CLMP: variants seen among roughly 807,000 people sequenced by gnomAD.
CLMP encodes CXADR like cell adhesion molecule.
In CLMP, 27 loss-of-function variants were observed where a neutral mutation model predicts 45.2. That is an observed-to-expected ratio of 0.60 (90% CI 0.44 to 0.82). The LOEUF is 0.82. Among genes scored for constraint, CLMP ranks in the 40% least tolerant of loss-of-function variants. The probability of loss-of-function intolerance (pLI) is 0.00; values close to 1 mark genes in which losing one functional copy is unlikely to be tolerated. For missense variants in CLMP, 403 were observed against 448.4 expected (o/e 0.90, Z 0.91); for synonymous variants, 167 against 171.4 (o/e 0.97, Z 0.20).
At chr11:123,190,099 G>A (rs1404519820) in intron 1 of CLMP, among the ~76,000 whole-genome samples, 1 of 152,002 alleles carries the variant, frequency 6.6e-6, no homozygotes, top group East Asian at 1.9e-4. Context: ...CCATGCTTGA[G>A]GCTGTTCTGT....
intron 1 of CLMP, among the ~76,000 whole-genome samples, chr11:123,186,401 A>G (rs1861834878): frequency 6.6e-6 from 1 of 152,176 alleles, no homozygotes; most frequent in African/African-American, 2.4e-5. Context: ...ACCCAGGAAA[A>G]GAAGACTCAC....
At chr11:123,114,445 T>TCCCC (rs1860692067) in intron 1 of CLMP, among the ~76,000 whole-genome samples, 1 of 42,622 alleles carries the variant, frequency 2.3e-5, no homozygotes, top group Non-Finnish European at 4.7e-5. Flanking sequence ...CCTCCCTCCC[T>TCCCC]CCCTCTCTCC....
intron 3 of CLMP, among the ~76,000 whole-genome samples, 169 bp downstream of exon 3, chr11:123,084,343 A>G (rs528260336): frequency 2.6e-5 from 4 of 152,234 alleles, no homozygotes; most frequent in Middle Eastern, 3.2e-3. Flanking sequence ...TATTATGGCT[A>G]TAATACAGAA....
At chr11:123,126,109 G>T (rs76000277) in intron 1 of CLMP, among the ~76,000 whole-genome samples, 1 of 152,022 alleles carries the variant, frequency 6.6e-6, no homozygotes, top group Non-Finnish European at 1.5e-5. Flanking sequence ...ATATTGCTTC[G>T]CCTGAATAGC....
At position 123,111,537 on chromosome 11, in the gene CLMP, T is replaced by G. The variant is rs1401858817; in HGVS notation, c.29-13585A>C. 6.6e-5 allele frequency among the ~76,000 whole-genome samples: 10 copies of G among 152,364 alleles called. No individual in the cohort carries two copies. The East Asian group carries it at 1.9e-3, about 29-fold the overall frequency. On this transcript the variant is annotated intron_variant, in intron 1 of 6. Transcript: ENST00000448775. ...ACTGAAAAGAACTGGCCCATCCAAC[T>G]ACAGCATTTCTTTCCTTTCTGTTGC...
intron 2 of CLMP, among the ~76,000 whole-genome samples, chr11:123,089,593 G>A (rs58261893): frequency 1.3e-4 from 20 of 149,958 alleles, no homozygotes; most frequent in African/African-American, 2.2e-4. Context: ...GTGAAACCCC[G>A]TCTCTACTAA....
chr11:123,122,176 C>T (rs1288433692), intron 1 of CLMP, among the ~76,000 whole-genome samples: 1 of 152,048 alleles, frequency 6.6e-6, no homozygotes, highest in East Asian at 1.9e-4. Context: ...TTCTCTGCTC[C>T]GTTTTTATTT....
At chr11:123,170,583 G>A (rs574116882) in intron 1 of CLMP, among the ~76,000 whole-genome samples, 5 of 151,840 alleles carry the variant, frequency 3.3e-5, no homozygotes, top group African/African-American at 7.3e-5. Context: ...GGTACTATAC[G>A]CGCAGGCCAC....
chr11:123,147,492 G>T (rs998825257), intron 1 of CLMP, among the ~76,000 whole-genome samples: 1 of 152,106 alleles, frequency 6.6e-6, no homozygotes, highest in African/African-American at 2.4e-5. Context: ...TGCCCAGATT[G>T]CTCTTGAACA....
chr11:123,139,734 T>G (rs1225471196), intron 1 of CLMP, among the ~76,000 whole-genome samples: 2 of 152,102 alleles, frequency 1.3e-5, no homozygotes, highest in African/African-American at 4.8e-5. Flanking sequence ...AAGAATTGTT[T>G]GAACCTGGCA....
chr11:123,074,439 C>T (rs1168770946), intron 6 of CLMP, among the ~76,000 whole-genome samples: 2 of 152,106 alleles, frequency 1.3e-5, no homozygotes, highest in Non-Finnish European at 2.9e-5. Context: ...GCCTCGGCCT[C>T]CCAAAGTGCT....
rs7940823 is a variant in CLMP at position 123,180,518 on chromosome 11, A to T, written c.28+14395T>A. Among the ~76,000 whole-genome samples, 842 of 152,120 alleles carry T rather than the reference A, an allele frequency of 5.5e-3. 6 individuals carry two copies. Among genetic ancestry groups the T allele is most frequent in the African/African-American group, 0.02 (817 of 41,512 alleles). On this transcript the variant is annotated intron_variant, in intron 1 of 6. Transcript: ENST00000448775. ...CCCAACCTCCAGAACTGTGAGGAAT[A>T]CATTTCTGTTGTTTATAAGTCACCC...
chr11:123,129,854 G>A (rs1392643399), intron 1 of CLMP, among the ~76,000 whole-genome samples: 1 of 151,264 alleles, frequency 6.6e-6, no homozygotes, highest in Admixed American at 6.6e-5. Flanking sequence ...CTGACACCTT[G>A]TTGCTTTCAG....
chr11:123,191,786 C>T (rs1178199060), intron 1 of CLMP, among the ~76,000 whole-genome samples: 2 of 152,172 alleles, frequency 1.3e-5, no homozygotes, highest in South Asian at 2.1e-4. Context: ...TATCTCTTAA[C>T]AAATAGTTCA....
At chr11:123,119,039 CTCTCTCCCTCTCCCT>C in intron 1 of CLMP, among the ~76,000 whole-genome samples, 1 of 50,012 alleles carries the variant, frequency 2.0e-5, no homozygotes, top group African/African-American at 1.1e-4. Flanking sequence ...CTCTCTCTCT[CTCTCTCCCTCTCCCT>C]CTCTCTCTCT....
chr11:123,135,475 T>G (rs1250096467), intron 1 of CLMP, among the ~76,000 whole-genome samples: 3 of 152,144 alleles, frequency 2.0e-5, no homozygotes. Context: ...CATAGATATT[T>G]CAGGAGTCCA....
chr11:123,180,288 C>T (rs1328088442), intron 1 of CLMP, among the ~76,000 whole-genome samples: 1 of 152,154 alleles, frequency 6.6e-6, no homozygotes, highest in African/African-American at 2.4e-5. Context: ...TGTGTGTTTC[C>T]CACAAAGCTC....
At chr11:123,192,899 T>A (rs1861927539) in intron 1 of CLMP, 2 of 152,226 alleles carry the variant, frequency 1.3e-5, no homozygotes, top group Non-Finnish European at 2.9e-5. Flanking sequence ...CAACTTGCTG[T>A]GTTTTCTTTC....
intron 1 of CLMP, among the ~76,000 whole-genome samples, chr11:123,116,040 T>C (rs1485918106): frequency 6.6e-6 from 1 of 152,014 alleles, no homozygotes; most frequent in Non-Finnish European, 1.5e-5. Flanking sequence ...ATCCTCACCA[T>C]ATGGACCTCT....
Sources: allele counts gnomAD v4.1 joint callset (sites outside exome capture counted in the v4.1 genomes callset), GRCh38; gene constraint gnomAD v4.1.1; transcripts MANE v1.5; gene names NCBI Gene and HGNC (gene_info 2026-07-23, HGNC 2026-07-21).